The following CERS6 variants were observed in gnomAD, a reference collection of about 807,000 sequenced individuals.
The protein encoded by CERS6 is LAG1 homolog, ceramide synthase 6.
A neutral mutation model predicts 56.8 loss-of-function variants in CERS6; 26 were observed. The ratio of observed to expected loss-of-function variants is 0.46; its 90% CI spans 0.34 to 0.63. The LOEUF is 0.63. Among genes scored for constraint, CERS6 ranks in the 30% least tolerant of loss-of-function variants. The probability of loss-of-function intolerance (pLI) is 0.01; values close to 1 mark genes in which losing one functional copy is unlikely to be tolerated. For missense variants in CERS6, 415 were observed against 467.5 expected, an observed-to-expected ratio of 0.89 and a Z score of 1.04; for synonymous variants, 164 against 173.3, an observed-to-expected ratio of 0.95 and a Z score of 0.42.
At chr2:168,732,511 A>G (rs1375416392) in intron 8 of CERS6, among the ~76,000 whole-genome samples, 1 of 152,218 alleles carries the variant, frequency 6.6e-6, no homozygotes, top group Non-Finnish European at 1.5e-5. Flanking sequence ...AAATCAAGGA[A>G]AAATATTCTG....
At chr2:168,504,255 C>G (rs563100174) in intron 1 of CERS6, among the ~76,000 whole-genome samples, 1 of 152,194 alleles carries the variant, frequency 6.6e-6, no homozygotes, top group East Asian at 1.9e-4. Context: ...CAAAAATTAG[C>G]TGGGTCTTTA....
chr2:168,480,577 G>C (rs915579145), intron 1 of CERS6, among the ~76,000 whole-genome samples: 10 of 152,090 alleles, frequency 6.6e-5, no homozygotes, highest in African/African-American at 2.2e-4. Flanking sequence ...TCCAAGTTCC[G>C]GGTTCTTTAT....
chr2:168,470,435 C>T (rs1036212679), intron 1 of CERS6, among the ~76,000 whole-genome samples: 1 of 152,048 alleles, frequency 6.6e-6, no homozygotes. Flanking sequence ...TGCCTGCCCC[C>T]ACTGTCCCTG....
chr2:168,467,439 G>A (rs1213913212), intron 1 of CERS6, among the ~76,000 whole-genome samples: 1 of 152,196 alleles, frequency 6.6e-6, no homozygotes. Flanking sequence ...ATGTCAGTGG[G>A]TGTGTGTACA....
chr2:168,485,270 C>T (rs1478957945), intron 1 of CERS6, among the ~76,000 whole-genome samples: 1 of 151,950 alleles, frequency 6.6e-6, no homozygotes, highest in Non-Finnish European at 1.5e-5. Flanking sequence ...TACTCCCCTA[C>T]ACTCACATTT....
At chr2:168,554,840 G>C (rs1695646704) in intron 2 of CERS6, among the ~76,000 whole-genome samples, 3 of 152,098 alleles carry the variant, frequency 2.0e-5, no homozygotes, top group African/African-American at 7.2e-5. Flanking sequence ...TTAAATGAAA[G>C]GAAGAATTGA....
At chr2:168,743,202 A>G (rs12474792) in intron 8 of CERS6, among the ~76,000 whole-genome samples, 62,358 of 148,752 alleles carry the variant, frequency 0.42, 16,042 homozygotes, top group Admixed American at 0.56. Flanking sequence ...GTATATATAT[A>G]TGTGTGTGTG....
At chr2:168,757,271 A>G (rs1019449995) in intron 8 of CERS6, among the ~76,000 whole-genome samples, 3 of 151,892 alleles carry the variant, frequency 2.0e-5, no homozygotes, top group Non-Finnish European at 2.9e-5. Flanking sequence ...TTGGGAGGTC[A>G]GGAGCGTAGG....
chr2:168,773,531 A>G lies in CERS6; in HGVS notation c.*3869A>G, dbSNP rs973991368. On this transcript the variant is annotated 3_prime_UTR_variant, in exon 10 of 10. Coordinates refer to ENST00000305747, the MANE Select transcript of CERS6 (RefSeq NM_203463.3). ...TCAAATCGAAGTCAGCCTGCTGGAA[A>G]AGTGATCACATGGCAGTTGCAGTAA... 1 of 152,226 alleles carries G rather than the reference A, an allele frequency of 6.6e-6. No homozygotes were observed. Among genetic ancestry groups the G allele is most frequent in the Non-Finnish European group, 1.5e-5 (1 of 68,040 alleles). 9.4% of individuals were successfully genotyped at this position (152,226 alleles called of 1,614,324 possible).
chr2:168,521,622 C>T (rs890877448), intron 1 of CERS6, among the ~76,000 whole-genome samples: 8 of 152,154 alleles, frequency 5.3e-5, no homozygotes, highest in East Asian at 3.8e-4. Context: ...TCCAGACAGA[C>T]GTCTTGGGTT....
In CERS6 at chr2:168,613,282, A is replaced by G. The variant is rs1363339134; in HGVS notation, c.408-17703A>G. Among the ~76,000 whole-genome samples the G allele has an allele frequency of 3.0e-4, 46 of 152,162 alleles. 2 individuals carry two copies. Among genetic ancestry groups the G allele is most frequent in the Admixed American group, 3.0e-3 (46 of 15,272 alleles). On this transcript the variant is annotated intron_variant, in intron 3 of 9. Coordinates refer to ENST00000305747, the MANE Select transcript of CERS6 (RefSeq NM_203463.3). ...CAAATGACATTGGGTGTCCAGGGAT[A>G]TAGAGATGGTTAGAGGCAGTGATTG...
chr2:168,725,202 C>T (rs1040835987), intron 8 of CERS6, among the ~76,000 whole-genome samples: 40 of 152,370 alleles, frequency 2.6e-4, no homozygotes, highest in Admixed American at 6.5e-4. Context: ...GTGCAGGGCC[C>T]GCCAAGCCCA....
rs772202350 is a variant in CERS6 at position 168,672,480 on chromosome 2, G to A, written c.466-18554G>A. ...GTTGGGGTAAACAAAACAAAAAAGC[G>A]TTCCAAAAATACAACAGAAGATAAA... On this transcript the variant is annotated intron_variant, in intron 4 of 9. Coordinates refer to ENST00000305747, the MANE Select transcript of CERS6 (RefSeq NM_203463.3). Among the ~76,000 whole-genome samples the A allele has an allele frequency of 4.6e-5, 7 of 152,146 alleles. No homozygotes were observed. The East Asian group carries it at 5.8e-4, about 13-fold the overall frequency.
chr2:168,684,551 AAC>A (rs770908863), intron 4 of CERS6, among the ~76,000 whole-genome samples: 21 of 151,842 alleles, frequency 1.4e-4, no homozygotes, highest in South Asian at 2.1e-4. Flanking sequence ...TTAAATTAAT[AAC>A]ACAGTTTCTT....
intron 3 of CERS6, among the ~76,000 whole-genome samples, chr2:168,612,906 C>T (rs776942474): frequency 7.9e-5 from 12 of 152,176 alleles, no homozygotes; most frequent in Non-Finnish European, 1.6e-4. Context: ...ACTGCTCTGT[C>T]ATGATTAATC....
chr2:168,499,655 G>T (rs1205611689), intron 1 of CERS6, among the ~76,000 whole-genome samples: 1 of 152,084 alleles, frequency 6.6e-6, no homozygotes. Flanking sequence ...CTCCTTGTTT[G>T]GCTAGAAGAA....
At chr2:168,571,881 G>A (rs1423804556) in intron 3 of CERS6, among the ~76,000 whole-genome samples, 1 of 152,128 alleles carries the variant, frequency 6.6e-6, no homozygotes, top group Non-Finnish European at 1.5e-5. Context: ...ACTGCAAGGT[G>A]AGCTGCTGGC....
intron 4 of CERS6, among the ~76,000 whole-genome samples, chr2:168,660,139 G>T (rs911832905): frequency 1.3e-5 from 2 of 152,138 alleles, no homozygotes; most frequent in Non-Finnish European, 2.9e-5. Flanking sequence ...TCAGCACAAC[G>T]TTCAACAGAT....
chr2:168,597,451 G>A (rs1267722791), intron 3 of CERS6, among the ~76,000 whole-genome samples: 2 of 152,102 alleles, frequency 1.3e-5, no homozygotes, highest in African/African-American at 2.4e-5. Flanking sequence ...GACCACTCCC[G>A]GATTCCTTAG....
Sources: allele counts gnomAD v4.1 joint callset (sites outside exome capture counted in the v4.1 genomes callset), GRCh38; gene constraint gnomAD v4.1.1; transcripts MANE v1.5; gene names NCBI Gene and HGNC (gene_info 2026-07-23, HGNC 2026-07-21).